Variants in ANTXR2 observed in about 807,000 individuals in gnomAD.
ANTXR2 encodes ANTXR cell adhesion molecule 2, also known as anthrax toxin receptor 2.
In ANTXR2, 44 loss-of-function variants were observed where a neutral mutation model predicts 73.7. That is an observed-to-expected ratio of 0.60 (90% CI 0.47 to 0.77). The LOEUF (loss-of-function observed/expected upper bound fraction) is 0.77, where lower values mean the gene tolerates loss of function less well. Ranked by LOEUF, ANTXR2 falls within the 30% of genes least tolerant of loss-of-function variation. ANTXR2 has a pLI of 0.00. For missense variants in ANTXR2, 604 were observed against 592.5 expected (o/e 1.02, Z -0.20); for synonymous variants, 217 against 205.9 (o/e 1.05, Z -0.46).
At chr4:80,018,046 T>C (rs985308231) in intron 11 of ANTXR2, among the ~76,000 whole-genome samples, 2 of 152,190 alleles carry the variant, frequency 1.3e-5, no homozygotes, top group African/African-American at 4.8e-5. Context: ...TTGTTTTGTT[T>C]TCTGTTGGAA....
At chr4:79,976,418 A>G (rs1003292150) in intron 16 of ANTXR2, among the ~76,000 whole-genome samples, 12 of 152,282 alleles carry the variant, frequency 7.9e-5, no homozygotes, top group Middle Eastern at 3.4e-3. Context: ...ACACTTTCCC[A>G]TAAGACACAC....
At position 79,906,862 on chromosome 4, in the gene ANTXR2, G is replaced by GAA. The variant is rs1429535040; in HGVS notation, c.*565_*566dup. On this transcript the variant is annotated 3_prime_UTR_variant, in exon 17 of 17. Coordinates refer to ENST00000403729, the MANE Select transcript of ANTXR2 (RefSeq NM_058172.6). ...TTAGAATGACAAGATTTTCCAGTCA[G>GAA]AAACTTCCCATAAGGCACACTGTGA... The GAA allele has an allele frequency of 6.5e-6, 1 of 153,302 alleles. No homozygotes were observed. Among genetic ancestry groups the GAA allele is most frequent in the Non-Finnish European group, 1.5e-5 (1 of 68,608 alleles). 9.5% of individuals were successfully genotyped at this position (153,302 alleles called of 1,614,324 possible).
intron 12 of ANTXR2, among the ~76,000 whole-genome samples, chr4:79,985,245 G>A (rs897049050): frequency 3.8e-4 from 58 of 151,872 alleles, no homozygotes; most frequent in Non-Finnish European, 6.8e-4. Flanking sequence ...AGCTACTTGC[G>A]AGGCTGAGGC....
chr4:79,966,155 C>CACACACACACACACA (rs1729354233), intron 16 of ANTXR2, among the ~76,000 whole-genome samples: 1 of 147,764 alleles, frequency 6.8e-6, no homozygotes, highest in Non-Finnish European at 1.5e-5. Flanking sequence ...CACACACACA[C>CACACACACACACACA]TACTCTAAAG....
intron 3 of ANTXR2, among the ~76,000 whole-genome samples, chr4:80,066,857 T>A (rs1734521034): frequency 6.6e-6 from 1 of 152,214 alleles, no homozygotes; most frequent in Non-Finnish European, 1.5e-5. Context: ...GCAGGTAGAT[T>A]TGGTCTAGTG....
chr4:80,009,757 G>T (rs1273372397), intron 11 of ANTXR2, among the ~76,000 whole-genome samples: 1 of 151,264 alleles, frequency 6.6e-6, no homozygotes, highest in East Asian at 1.9e-4. Context: ...TGAGGCAGGA[G>T]AATTGCTTGA....
chr4:79,982,837 T>C (rs1729947529), intron 14 of ANTXR2, among the ~76,000 whole-genome samples: 1 of 152,178 alleles, frequency 6.6e-6, no homozygotes. Flanking sequence ...TAAGAATCAC[T>C]GTCAGATGAC....
intron 16 of ANTXR2, among the ~76,000 whole-genome samples, chr4:79,927,844 A>C (rs1727882132): frequency 6.6e-6 from 1 of 152,202 alleles, no homozygotes; most frequent in African/African-American, 2.4e-5. Flanking sequence ...AGAACAAGAA[A>C]AAAATAAAGA....
intron 3 of ANTXR2, among the ~76,000 whole-genome samples, chr4:80,060,990 G>A (rs1376695842): frequency 6.6e-6 from 1 of 152,160 alleles, no homozygotes; most frequent in Admixed American, 6.5e-5. Flanking sequence ...TGCCAGCGCT[G>A]ATACTGGCTG....
rs1443505588 is a variant in ANTXR2, at chr4:80,069,557, G to A, written c.225-50C>T. The A allele has an allele frequency of 2.9e-6, 4 of 1,382,298 alleles. No individual in the cohort carries two copies. The South Asian group carries it at 5.0e-5, about 17-fold the overall frequency. 85.6% of individuals were successfully genotyped at this position (1,382,298 alleles called of 1,614,324 possible). ...TAAAACATTTTTAAAAAGAAATATT[G>A]ATACGATACAGATGTATAGTTAGGG... is the stretch of plus-strand genomic sequence containing the variant. On this transcript the variant is annotated intron_variant, in intron 2 of 16. Transcript: ENST00000403729.
At chr4:79,989,261 A>T (rs956533274) in intron 12 of ANTXR2, among the ~76,000 whole-genome samples, 2 of 151,878 alleles carry the variant, frequency 1.3e-5, no homozygotes, top group Admixed American at 6.6e-5. Flanking sequence ...ATTAATAAAT[A>T]AAAAAAAGAA....
At chr4:79,915,814 GTCTCTGTCTCTCTCCCTC>G (rs1322365736) in intron 16 of ANTXR2, among the ~76,000 whole-genome samples, 1 of 93,106 alleles carries the variant, frequency 1.1e-5, no homozygotes, top group East Asian at 4.0e-4. Flanking sequence ...CTCTGTCTCT[GTCTCTGTCTCTCTCCCTC>G]TCTCTCTCTC....
chr4:79,926,127 ATTAGT>A (rs759815043), intron 16 of ANTXR2, among the ~76,000 whole-genome samples: 4 of 152,278 alleles, frequency 2.6e-5, no homozygotes, highest in Non-Finnish European at 5.9e-5. Context: ...GAATTAATTG[ATTAGT>A]TTATGTTCAA....
chr4:79,933,637 G>C (rs1004205066), intron 16 of ANTXR2, among the ~76,000 whole-genome samples: 2 of 151,478 alleles, frequency 1.3e-5, no homozygotes, highest in East Asian at 1.9e-4. Context: ...TGCCATGTTG[G>C]TGTGCTGCAC....
At chr4:79,996,561 C>G (rs1730740454) in intron 12 of ANTXR2, among the ~76,000 whole-genome samples, 1 of 151,892 alleles carries the variant, frequency 6.6e-6, no homozygotes, top group African/African-American at 2.4e-5. Flanking sequence ...CCTCTCTCCA[C>G]TCTGCCACAC....
intron 7 of ANTXR2, among the ~76,000 whole-genome samples, chr4:80,052,138 T>G (rs1733798138): frequency 6.6e-6 from 1 of 151,678 alleles, no homozygotes; most frequent in African/African-American, 2.4e-5. Context: ...TTCTATTGGC[T>G]TAGCTTTATG....
At chr4:80,045,107 G>A (rs1368361592) in intron 7 of ANTXR2, among the ~76,000 whole-genome samples, 1 of 151,560 alleles carries the variant, frequency 6.6e-6, no homozygotes, top group African/African-American at 2.4e-5. Flanking sequence ...TACCTATAAG[G>A]CATATTGGAC....
chr4:80,036,196 C>T (rs375132670), intron 7 of ANTXR2, among the ~76,000 whole-genome samples, 164 bp from the exon 8 acceptor site: 1 of 152,190 alleles, frequency 6.6e-6, no homozygotes, highest in East Asian at 1.9e-4. Context: ...TCTTAGGAAA[C>T]TTCTGCACTG....
chr4:79,931,721 T>C (rs753827931), intron 16 of ANTXR2, among the ~76,000 whole-genome samples: 1 of 152,158 alleles, frequency 6.6e-6, no homozygotes. Flanking sequence ...TGTTCCCAGA[T>C]CAACAATAGA....
Sources: gnomAD v4.1 joint callset for allele counts (sites outside exome capture counted in the v4.1 genomes callset) on GRCh38, gnomAD v4.1.1 for gene constraint, MANE v1.5 for transcripts, NCBI Gene and HGNC (gene_info 2026-07-23, HGNC 2026-07-21) for gene names.